Variants in KCNMA1 observed in about 807,000 individuals in gnomAD.
KCNMA1 encodes Calcium-activated potassium channel subunit alpha-1.
KCNMA1 carries 29 observed loss-of-function variants against 140.0 expected under a neutral mutation model. That is an observed-to-expected ratio of 0.21 (90% CI 0.15 to 0.28). KCNMA1 has a LOEUF of 0.28. Among genes scored for constraint, KCNMA1 ranks in the 10% least tolerant of loss-of-function variants. The probability of loss-of-function intolerance (pLI) is 1.00; values close to 1 mark genes in which losing one functional copy is unlikely to be tolerated. For missense variants in KCNMA1, 880 were observed against 1,602.2 expected (o/e 0.55, Z 7.70); for synonymous variants, 612 against 611.9 (o/e 1.00, Z 0.00).
intron 17 of KCNMA1, among the ~76,000 whole-genome samples, chr10:77,014,814 C>G (rs1489780541): frequency 6.6e-6 from 1 of 152,176 alleles, no homozygotes; most frequent in Admixed American, 6.5e-5. Flanking sequence ...TGACCTCTGC[C>G]AAGTGGCATT....
intron 19 of KCNMA1, among the ~76,000 whole-genome samples, chr10:77,000,317 C>T (rs2085807316): frequency 6.6e-6 from 1 of 152,192 alleles, no homozygotes; most frequent in Non-Finnish European, 1.5e-5. Flanking sequence ...CAAGTAAAGT[C>T]CTCCAGTGGA....
intron 1 of KCNMA1, among the ~76,000 whole-genome samples, chr10:77,511,584 A>T (rs555406425): frequency 6.6e-6 from 1 of 152,238 alleles, no homozygotes; most frequent in Non-Finnish European, 1.5e-5. Flanking sequence ...CCTAGTTCAT[A>T]GAATTTCTGT....
intron 2 of KCNMA1, among the ~76,000 whole-genome samples, chr10:77,263,569 T>C (rs1374373730): frequency 6.6e-6 from 1 of 152,072 alleles, no homozygotes; most frequent in East Asian, 1.9e-4. Flanking sequence ...AGAAATAACA[T>C]AAAATTTTCA....
At chr10:77,493,590 T>C (rs1404119107) in intron 1 of KCNMA1, among the ~76,000 whole-genome samples, 1 of 152,204 alleles carries the variant, frequency 6.6e-6, no homozygotes, top group Non-Finnish European at 1.5e-5. Context: ...ATCACCCTCC[T>C]AGAGTTGCCT....
At chr10:77,438,419 C>T (rs530774558) in intron 1 of KCNMA1, among the ~76,000 whole-genome samples, 6 of 151,952 alleles carry the variant, frequency 3.9e-5, no homozygotes, top group African/African-American at 9.6e-5. Context: ...CAAAATTAGC[C>T]GGGCGTGGTG....
intron 5 of KCNMA1, among the ~76,000 whole-genome samples, chr10:77,141,626 C>T (rs562154837): frequency 5.9e-5 from 9 of 152,302 alleles, no homozygotes; most frequent in African/African-American, 2.2e-4. Context: ...ATTTCAGCCA[C>T]CCAGTTTTTG....
chr10:77,402,271 G>A (rs1322675361), intron 2 of KCNMA1, among the ~76,000 whole-genome samples: 3 of 152,142 alleles, frequency 2.0e-5, no homozygotes, highest in East Asian at 3.9e-4. Context: ...AGAGATAGAG[G>A]TGCTGTTACA....
intron 1 of KCNMA1, among the ~76,000 whole-genome samples, chr10:77,606,826 C>T (rs2084726883): frequency 6.6e-6 from 1 of 152,124 alleles, no homozygotes; most frequent in South Asian, 2.1e-4. Flanking sequence ...TCCTTTTAGT[C>T]ACCTAATGCC....
At chr10:77,504,811 A>C (rs984922592) in intron 1 of KCNMA1, among the ~76,000 whole-genome samples, 1 of 152,194 alleles carries the variant, frequency 6.6e-6, no homozygotes, top group Non-Finnish European at 1.5e-5. Flanking sequence ...ATATGTATGC[A>C]TATTTTATTC....
chr10:76,906,786 T>C (rs1334123706), intron 25 of KCNMA1, among the ~76,000 whole-genome samples: 2 of 152,224 alleles, frequency 1.3e-5, no homozygotes, highest in African/African-American at 4.8e-5. Context: ...AATCTGTTTT[T>C]TCATACATTA....
chr10:77,333,350 CAA>C (rs68185333), intron 2 of KCNMA1, among the ~76,000 whole-genome samples: 22 of 105,630 alleles, frequency 2.1e-4, no homozygotes, highest in South Asian at 1.3e-3. Context: ...CCATGTCTAC[CAA>C]AAAAAAAAAA....
exon 28 of KCNMA1, chr10:76,871,881 G>T (rs768920901): frequency 5.3e-5 from 8 of 152,140 alleles, no homozygotes; most frequent in Non-Finnish European, 1.2e-4. Context: ...GGTGCTTTGA[G>T]CATGTTTTCT....
chr10:76,962,508 T>G (rs2153073268), intron 20 of KCNMA1, among the ~76,000 whole-genome samples: 1 of 152,304 alleles, frequency 6.6e-6, no homozygotes, highest in East Asian at 1.9e-4. Flanking sequence ...AAATACTGAC[T>G]TTATTGAGCA....
At chr10:77,089,248 A>G (rs2096761313) in intron 10 of KCNMA1, among the ~76,000 whole-genome samples, 1 of 152,218 alleles carries the variant, frequency 6.6e-6, no homozygotes, top group African/African-American at 2.4e-5. Flanking sequence ...ACGATCCACC[A>G]AACAGGGAGT....
At chr10:77,517,268 T>C (rs576956948) in intron 1 of KCNMA1, among the ~76,000 whole-genome samples, 5 of 152,130 alleles carry the variant, frequency 3.3e-5, no homozygotes, top group Non-Finnish European at 7.4e-5. Context: ...GCCTCCACCA[T>C]AAATGGGCCA....
downstream of KCNMA1, chr10:76,884,644 T>TC: frequency 1.4e-5 from 3 of 210,460 alleles, no homozygotes; most frequent in East Asian, 9.6e-5. Flanking sequence ...GGAGAGAAGT[T>TC]CCCCCCAAAT....
At chr10:77,476,002 G>A (rs1406486875) in intron 1 of KCNMA1, among the ~76,000 whole-genome samples, 1 of 152,060 alleles carries the variant, frequency 6.6e-6, no homozygotes. Flanking sequence ...CAAAGAGAAG[G>A]GTCTTCTGGG....
chr10:77,012,390 G>A, intron 17 of KCNMA1: 2 of 1,532,830 alleles, frequency 1.3e-6, no homozygotes, highest in Non-Finnish European at 1.8e-6. Context: ...AATGAGCCCT[G>A]GGCCCTTGGT....
intron 1 of KCNMA1, among the ~76,000 whole-genome samples, chr10:77,543,302 T>C (rs1190739830): frequency 2.6e-5 from 4 of 152,202 alleles, no homozygotes; most frequent in African/African-American, 4.8e-5. Flanking sequence ...TCAGAAAGCA[T>C]CTCAAACTGG....
Sources: allele counts gnomAD v4.1 joint callset (sites outside exome capture counted in the v4.1 genomes callset), GRCh38; gene constraint gnomAD v4.1.1; transcripts MANE v1.5; gene names NCBI Gene and HGNC (gene_info 2026-07-23, HGNC 2026-07-21).